Variants in ZNF250 observed in about 807,000 individuals in gnomAD.
ZNF250 encodes the protein zinc finger protein (clone 647).
In ZNF250, 13 loss-of-function variants were observed where a neutral mutation model predicts 37.1. The ratio of observed to expected loss-of-function variants is 0.35; its 90% CI spans 0.23 to 0.56. ZNF250 has a LOEUF of 0.56. Ranked by LOEUF, ZNF250 falls within the 20% of genes least tolerant of loss-of-function variation. The pLI is 0.87. For synonymous variants in ZNF250, 251 were observed against 265.6 expected (o/e 0.94, Z 0.54); for missense variants, 474 against 697.9 (o/e 0.68, Z 3.61).
Position 144,882,415 on chromosome 8 carries a change from T to C in ZNF250, c.768A>G (p.Gly256=), listed in dbSNP as rs1226468174. Reference sequence around the variant, plus strand: ...GATCTGAGCTCACTCTAAAGGCTTTTCCACACTCATTACACTCATAGGGCT... The same window carrying C: ...GATCTGAGCTCACTCTAAAGGCTTTCCCACACTCATTACACTCATAGGGCT... ...GEKPYECNEC[G]KAFRVSSDLA... The change falls in exon 6 of 6, where the codon GGA becomes GGG. Residue 256 remains glycine (G), a synonymous_variant. Coordinates refer to ENST00000417550, the MANE Select transcript of ZNF250 (RefSeq NM_001109689.4). This position sits in a 1 kb window ranked among gnomAD's most constrained non-coding sequence, Gnocchi z 5.5. The C allele has an allele frequency of 1.1e-5, 18 of 1,613,176 alleles. No homozygotes were observed. In the Admixed American group the frequency reaches 2.2e-4, roughly 19 times the overall value.
chr8:144,896,206 T>A (rs1021773850), intron 1 of ZNF250, among the ~76,000 whole-genome samples: 6 of 151,730 alleles, frequency 4.0e-5, no homozygotes, highest in African/African-American at 9.7e-5. Flanking sequence ...TAAAAAAATT[T>A]AAAAAATTAG....
intron 4 of ZNF250, among the ~76,000 whole-genome samples, chr8:144,888,417 T>TCTAC (rs1371016090): frequency 6.6e-6 from 1 of 151,806 alleles, no homozygotes; most frequent in Non-Finnish European, 1.5e-5. Context: ...GCCAACATGG[T>TCTAC]GAAATCCTGT....
In ZNF250 at chr8:144,897,576, C is replaced by G. The variant is rs200518946; in HGVS notation, c.-55+3823G>C. On this transcript the variant is annotated intron_variant, in intron 1 of 5. Coordinates refer to ENST00000417550, the MANE Select transcript of ZNF250 (RefSeq NM_001109689.4). The surrounding 1 kb of genome is among the most constrained non-coding windows in gnomAD (Gnocchi z 5.2). Reference sequence around the variant, plus strand: ...ACCTGAGGTCAGGTGCTGAGACCAGCTCGGTCGGGGAGACCCTAACCCAGC... The same window carrying G: ...ACCTGAGGTCAGGTGCTGAGACCAGGTCGGTCGGGGAGACCCTAACCCAGC... Among the ~76,000 whole-genome samples, 1 of 152,158 alleles carries G rather than the reference C, an allele frequency of 6.6e-6. No homozygotes were observed. Among genetic ancestry groups the G allele is most frequent in the Non-Finnish European group, 1.5e-5 (1 of 68,026 alleles).
intron 1 of ZNF250, among the ~76,000 whole-genome samples, chr8:144,900,639 T>C (rs759255502): frequency 6.6e-6 from 1 of 152,046 alleles, no homozygotes; most frequent in Non-Finnish European, 1.5e-5. Flanking sequence ...TTCATTAAAA[T>C]AGGGCTCTAA....
In ZNF250 at chr8:144,878,045, A is replaced by C. The variant is rs539450299; in HGVS notation, c.*3470T>G. On this transcript the variant is annotated 3_prime_UTR_variant, in exon 6 of 6. Transcript: ENST00000417550. ...TAACACAGGTTGGCAGCTTCCTTTC[A>C]TAGAAGATTTAAGATAGCACCACAG... 2.6e-5 allele frequency: 4 copies of C among 152,306 alleles called. No individual in the cohort carries two copies. In the South Asian group the frequency reaches 8.3e-4, roughly 32 times the overall value. 9.4% of individuals were successfully genotyped at this position (152,306 alleles called of 1,614,324 possible). A position where few individuals can be genotyped will look rare whatever the true frequency, so the allele number is the denominator to read the frequency against.
chr8:144,901,552 A>C (rs1252586912), upstream of ZNF250: 1 of 152,110 alleles, frequency 6.6e-6, no homozygotes, highest in African/African-American at 2.4e-5. This position sits in a 1 kb window ranked among gnomAD's most constrained non-coding sequence, Gnocchi z 5.4. Context: ...CCTGGAGGGC[A>C]AGCATGTTTA....
rs559812060 is a variant in ZNF250, at chr8:144,899,923, A to T, written c.-55+1476T>A. ...GAGTGGGGAAAGCCCTTTAAAACAC[A>T]GCACAAAGCCCAAAATGCCTTAAGG... On this transcript the variant is annotated intron_variant, in intron 1 of 5. Transcript: ENST00000417550. Among the ~76,000 whole-genome samples the T allele has an allele frequency of 3.3e-5, 5 of 152,350 alleles. No individual in the cohort carries two copies. In the South Asian group the frequency reaches 8.3e-4, roughly 25 times the overall value.
chr8:144,897,492 C>G lies in ZNF250; in HGVS notation c.-55+3907G>C, dbSNP rs572440173. Among the ~76,000 whole-genome samples the G allele has an allele frequency of 1.2e-4, 19 of 152,308 alleles. No homozygotes were observed. The East Asian group carries it at 3.3e-3, about 26-fold the overall frequency. On this transcript the variant is annotated intron_variant, in intron 1 of 5. Coordinates refer to ENST00000417550, the MANE Select transcript of ZNF250 (RefSeq NM_001109689.4). This position sits in a 1 kb window ranked among gnomAD's most constrained non-coding sequence, Gnocchi z 5.2. ...GTATCCAAATTGATAGCTTTCTGGT[C>G]GGGCACAGTGGCTCATGCCTGTAAT...
chr8:144,893,831 C>T (rs141483814), intron 1 of ZNF250, among the ~76,000 whole-genome samples: 1,619 of 152,228 alleles, frequency 0.011, 33 homozygotes, highest in African/African-American at 0.037. Flanking sequence ...GCTTGTATGA[C>T]CACGAGGCTT....
chr8:144,888,549 A>G (rs1031268028), intron 4 of ZNF250, among the ~76,000 whole-genome samples: 1 of 147,518 alleles, frequency 6.8e-6, no homozygotes, highest in African/African-American at 2.5e-5. Flanking sequence ...GTGACCCGAG[A>G]CTCATGCCAC....
At position 144,879,260 on chromosome 8, in the gene ZNF250, A is replaced by T. The variant is rs1831303965; in HGVS notation, c.*2255T>A. 1.3e-5 allele frequency: 2 copies of T among 152,260 alleles called. No individual in the cohort carries two copies. The highest frequency in any genetic ancestry group is 2.4e-5 in the African/African-American group (1 of 41,476). The allele number at this position is 152,260 out of a possible 1,614,324, so 9.4% of individuals were successfully genotyped here. ...ACTTCAGTGGTTTCAGTTGCTCTGA[A>T]GTAAAACACCAGTGATGTCAGCTCC... On this transcript the variant is annotated 3_prime_UTR_variant, in exon 6 of 6. Transcript: ENST00000417550.
chr8:144,882,509 C>T lies in ZNF250; in HGVS notation c.674G>A (p.Ser225Asn). The T allele has an allele frequency of 6.2e-7, 1 of 1,614,184 alleles. No homozygotes were observed. The highest frequency in any genetic ancestry group is 8.5e-7 in the Non-Finnish European group (1 of 1,180,026). Reference protein sequence around the residue: ...IHTGEKPYVCSVCGKAFSQSS... With the variant: ...IHTGEKPYVCNVCGKAFSQSS... ...CTGGCTGAAGGCCTTCCCACATACA[C>T]TGCACACATAGGGCTTCTCTCCAGT... Residue 225 changes from serine to asparagine, a missense_variant, in exon 6 of 6, where the codon AGT (serine) becomes AAT (asparagine). By Grantham distance (46) the Ser-to-Asn change is conservative. Coordinates refer to ENST00000417550, the MANE Select transcript of ZNF250 (RefSeq NM_001109689.4). The surrounding 1 kb of genome is among the most constrained non-coding windows in gnomAD (Gnocchi z 5.5).
chr8:144,888,595 C>CAAAAAAAAAAAAAAAAAAAAAAAAA (rs36073563), intron 4 of ZNF250, among the ~76,000 whole-genome samples: 1 of 54,668 alleles, frequency 1.8e-5, no homozygotes, highest in African/African-American at 5.3e-5. Flanking sequence ...AAGACTGTCT[C>CAAAAAAAAAAAAAAAAAAAAAAAAA]AAAAAAAAAA....
At chr8:144,900,297 T>C (rs990141326) in intron 1 of ZNF250, among the ~76,000 whole-genome samples, 2 of 151,732 alleles carry the variant, frequency 1.3e-5, no homozygotes, top group African/African-American at 4.8e-5. Flanking sequence ...AGAAGACAAG[T>C]TACGAACTGA....
In ZNF250 at chr8:144,891,185, G is replaced by A. The variant is rs1832309434; in HGVS notation, c.-54-782C>T. Among the ~76,000 whole-genome samples, 1 of 152,198 alleles carries A rather than the reference G, an allele frequency of 6.6e-6. No homozygotes were observed. The highest frequency in any genetic ancestry group is 1.5e-5 in the Non-Finnish European group (1 of 68,032). Reference sequence around the variant, plus strand: ...GACACATTTGGTCCTGTACAGGATAGGGTTCGCAGTCTTCTGGAGCATCAA... The same window carrying A: ...GACACATTTGGTCCTGTACAGGATAAGGTTCGCAGTCTTCTGGAGCATCAA... On this transcript the variant is annotated intron_variant, in intron 1 of 5. Transcript: ENST00000417550. This position sits in a 1 kb window ranked among gnomAD's most constrained non-coding sequence, Gnocchi z 4.0.
rs1218030693 is a variant in ZNF250, at chr8:144,878,563, C to T, written c.*2952G>A. On this transcript the variant is annotated 3_prime_UTR_variant, in exon 6 of 6. Transcript: ENST00000417550. ...ATACCTCAGTAACCTCAGCTCCTCC[C>T]TTAAGTAACATCTCATTGGTATCAG... The T allele has an allele frequency of 2.6e-5, 4 of 152,130 alleles. No homozygotes were observed. The highest frequency in any genetic ancestry group is 9.7e-5 in the African/African-American group (4 of 41,418). The allele number at this position is 152,130 out of a possible 1,614,324, so 9.4% of individuals were successfully genotyped here.
At chr8:144,894,870 C>G (rs956439543) in intron 1 of ZNF250, among the ~76,000 whole-genome samples, 1 of 151,470 alleles carries the variant, frequency 6.6e-6, no homozygotes, top group Non-Finnish European at 1.5e-5. Context: ...TGCTGTGTTG[C>G]CCAGACTGGT....
rs749077739 is a variant in ZNF250, at chr8:144,890,217, C to T, written c.42+91G>A. ...CCGCGGAGTTCAGGGCATGTGGTGA[C>T]GCTCTGGCTGCTCTTAGGAGCTCTA... On this transcript the variant is annotated intron_variant, in intron 2 of 5. Coordinates refer to ENST00000417550, the MANE Select transcript of ZNF250 (RefSeq NM_001109689.4). The surrounding 1 kb of genome is among the most constrained non-coding windows in gnomAD (Gnocchi z 5.1). The T allele has an allele frequency of 1.0e-5, 15 of 1,496,474 alleles. No individual in the cohort carries two copies. The highest frequency in any genetic ancestry group is 2.4e-5 in the South Asian group (2 of 82,994). 92.7% of individuals were successfully genotyped at this position (1,496,474 alleles called of 1,614,324 possible).
chr8:144,885,666 T>C (rs963228398), intron 5 of ZNF250, among the ~76,000 whole-genome samples: 1 of 152,216 alleles, frequency 6.6e-6, no homozygotes, highest in African/African-American at 2.4e-5. Flanking sequence ...GGTCTCAGTA[T>C]CTTGCCTAAG....
Sources: allele counts gnomAD v4.1 joint callset (sites outside exome capture counted in the v4.1 genomes callset), GRCh38; gene constraint gnomAD v4.1.1; non-coding constraint Gnocchi (gnomAD v3.1); transcripts MANE v1.5; gene names NCBI Gene and HGNC (gene_info 2026-07-23, HGNC 2026-07-21).